The following BEAN1 variants were observed in gnomAD, a reference collection of about 807,000 sequenced individuals.
The protein encoded by BEAN1 is brain expressed associated with NEDD4 1.
BEAN1 carries 17 observed loss-of-function variants against 17.7 expected under a neutral mutation model. The ratio of observed to expected loss-of-function variants is 0.96; its 90% confidence interval spans 0.66 to 1.44. The LOEUF is 1.44. BEAN1 is among the 40% of genes most tolerant of loss of function. The pLI, the probability that BEAN1 is intolerant of heterozygous loss-of-function variation, is 0.00. For synonymous variants in BEAN1, 142 were observed against 151.8 expected (o/e 0.94, Z 0.47); for missense variants, 359 against 374.1 (o/e 0.96, Z 0.33).
intron 2 of BEAN1, among the ~76,000 whole-genome samples, chr16:66,457,634 T>C (rs1262242176): frequency 6.6e-6 from 1 of 152,148 alleles, no homozygotes; most frequent in East Asian, 1.9e-4. Context: ...CCTTTACTGA[T>C]CCTGATATGC....
At chr16:66,437,762 C>T (rs760713646) in intron 2 of BEAN1, 61 bp downstream of exon 2, 11 of 1,494,030 alleles carry the variant, frequency 7.4e-6, no homozygotes, top group South Asian at 4.8e-5. Context: ...AGCTTGGAGT[C>T]GAGCTGCAGA....
At chr16:66,429,022 G>A (rs1383441218) in intron 1 of BEAN1, among the ~76,000 whole-genome samples, 1 of 152,026 alleles carries the variant, frequency 6.6e-6, no homozygotes, top group African/African-American at 2.4e-5. Flanking sequence ...GCTGATGTCC[G>A]CTGCCCCAGA....
intron 3 of BEAN1, among the ~76,000 whole-genome samples, chr16:66,474,557 A>AGAGGGAGGGAGAGAGGGAGG (rs1963619236): frequency 1.3e-4 from 10 of 75,968 alleles, no homozygotes; most frequent in African/African-American, 5.1e-4. Flanking sequence ...AGGGAGGGAG[A>AGAGGGAGGGAGAGAGGGAGG]GAGGGAGGGA....
intron 1 of BEAN1, among the ~76,000 whole-genome samples, chr16:66,436,524 C>T (rs1404553947): frequency 2.0e-5 from 3 of 150,844 alleles, no homozygotes; most frequent in East Asian, 3.9e-4. Flanking sequence ...ATGATCTGCC[C>T]GCCTCGGCCT....
chr16:66,445,200 G>A (rs1000493533), intron 2 of BEAN1, among the ~76,000 whole-genome samples: 3 of 152,118 alleles, frequency 2.0e-5, no homozygotes, highest in Non-Finnish European at 4.4e-5. Flanking sequence ...GAGGTGGCCG[G>A]GCGTGGTGGC....
At chr16:66,474,490 C>G (rs985976061) in intron 3 of BEAN1, among the ~76,000 whole-genome samples, 2 of 144,952 alleles carry the variant, frequency 1.4e-5, no homozygotes, top group Non-Finnish European at 3.0e-5. Flanking sequence ...TAGCCAGACA[C>G]AGAGAGGAGC....
rs190338380 is a variant in BEAN1 at position 66,487,995 on chromosome 16, T to C, written c.148-4967T>C. On this transcript the variant is annotated intron_variant, in intron 4 of 4. Coordinates refer to the BEAN1 transcript ENST00000561796. ...GTTGAAGGAGGCTGCAGCGAGCCAA[T>C]GGGGAGAAGCAAGGCTGACTCCAGC... is the stretch of plus-strand genomic sequence containing the variant. 1.1e-4 allele frequency among the ~76,000 whole-genome samples: 16 copies of C among 152,234 alleles called. No individual in the cohort carries two copies. The East Asian group carries it at 2.9e-3, about 28-fold the overall frequency.
chr16:66,445,149 T>A (rs2142390219), intron 2 of BEAN1, among the ~76,000 whole-genome samples: 1 of 151,708 alleles, frequency 6.6e-6, no homozygotes, highest in Non-Finnish European at 1.5e-5. Context: ...ATCTAATATG[T>A]CAAATTGGGG....
At chr16:66,491,183 G>A (rs1964172007) in intron 4 of BEAN1, among the ~76,000 whole-genome samples, 1 of 152,220 alleles carries the variant, frequency 6.6e-6, no homozygotes, top group Admixed American at 6.5e-5. Flanking sequence ...CACAGGGCCA[G>A]GTGGCTCCTG....
downstream of BEAN1, chr16:66,485,472 A>G (rs1964075764): frequency 3.3e-6 from 1 of 300,252 alleles, no homozygotes; most frequent in South Asian, 3.0e-5. Context: ...TGAGGAAGTG[A>G]ATCTTCTGTC....
At chr16:66,483,105 C>T (rs1361019594), downstream of BEAN1, 3 of 332,348 alleles carry the variant, frequency 9.0e-6, no homozygotes, top group Non-Finnish European at 1.8e-5. Flanking sequence ...AAGCGATCCT[C>T]TCACCTCAGC....
chr16:66,490,216 A>C (rs1261124688), intron 4 of BEAN1, among the ~76,000 whole-genome samples: 1 of 108,188 alleles, frequency 9.2e-6, no homozygotes, highest in African/African-American at 4.4e-5. Flanking sequence ...TCCCATCTCT[A>C]CTAAAAAAAA....
intron 2 of BEAN1, among the ~76,000 whole-genome samples, chr16:66,440,035 C>T (rs1292322033): frequency 1.3e-5 from 2 of 152,258 alleles, no homozygotes; most frequent in Admixed American, 6.5e-5. Context: ...CTTGTGCACC[C>T]GCACCCCAAC....
chr16:66,427,959 G>A lies in BEAN1; in HGVS notation c.-83+528G>A, dbSNP rs1567477087. 6.6e-6 allele frequency: 1 copy of A among 152,290 alleles called. No individual in the cohort carries two copies. The highest frequency in any genetic ancestry group is 1.5e-5 in the Non-Finnish European group (1 of 68,104). The allele number at this position is 152,290 out of a possible 1,614,324, so 9.4% of individuals were successfully genotyped here. ...GAGCTAGGAAGTTTGACCCTTCGAC[G>A]AGCAGGTCGCCTGGGGTATGCCCCT... On this transcript the variant is annotated intron_variant, in intron 1 of 4. Transcript: ENST00000536005. This position sits in a 1 kb window ranked among gnomAD's most constrained non-coding sequence, Gnocchi z 4.7.
At chr16:66,432,221 T>TC (rs1961834711) in intron 1 of BEAN1, among the ~76,000 whole-genome samples, 1 of 152,074 alleles carries the variant, frequency 6.6e-6, no homozygotes, top group Non-Finnish European at 1.5e-5. Context: ...ATTACTTTTC[T>TC]CCCCCACTCC....
chr16:66,433,202 G>A (rs1384331485), intron 1 of BEAN1, among the ~76,000 whole-genome samples: 1 of 152,002 alleles, frequency 6.6e-6, no homozygotes, highest in African/African-American at 2.4e-5. Context: ...CCCACCTCCC[G>A]GGTTCAAGTG....
chr16:66,460,824 C>G (rs1202105412), intron 2 of BEAN1, among the ~76,000 whole-genome samples: 1 of 152,174 alleles, frequency 6.6e-6, no homozygotes, highest in Non-Finnish European at 1.5e-5. Context: ...TTTCACTGAC[C>G]CAGGTCTCTA....
chr16:66,438,040 G>C, intron 2 of BEAN1: 1 of 392,156 alleles, frequency 2.6e-6, no homozygotes, highest in East Asian at 5.1e-5. Flanking sequence ...AATGCTGGGG[G>C]AGTCATGTTA....
chr16:66,439,687 A>AT (rs1962173310), intron 2 of BEAN1, among the ~76,000 whole-genome samples: 1 of 152,144 alleles, frequency 6.6e-6, no homozygotes, highest in Non-Finnish European at 1.5e-5. Flanking sequence ...CAAAGACCCA[A>AT]TACCTAGCAT....
Sources: allele counts gnomAD v4.1 joint callset (sites outside exome capture counted in the v4.1 genomes callset), GRCh38; gene constraint gnomAD v4.1.1; non-coding constraint Gnocchi (gnomAD v3.1); transcripts MANE v1.5; gene names NCBI Gene and HGNC (gene_info 2026-07-23, HGNC 2026-07-21).